SPINT2: variants seen among roughly 807,000 people sequenced by gnomAD.
The protein encoded by SPINT2 is kunitz-type protease inhibitor 2.
A neutral mutation model predicts 30.1 loss-of-function variants in SPINT2; 18 were observed. The ratio of observed to expected loss-of-function variants is 0.60; its 90% CI spans 0.41 to 0.89. The LOEUF is 0.89. Ranked by LOEUF, SPINT2 falls within the 40% of genes least tolerant of loss-of-function variation. The pLI is 0.00. For missense variants in SPINT2, 276 were observed against 334.3 expected (o/e 0.83, Z 1.36); for synonymous variants, 139 against 137.9 (o/e 1.01, Z -0.05).
At chr19:38,284,157 A>G (rs1968615350) in intron 2 of SPINT2, among the ~76,000 whole-genome samples, 1 of 151,128 alleles carries the variant, frequency 6.6e-6, no homozygotes, top group South Asian at 2.1e-4. Flanking sequence ...TTTTTTTTAG[A>G]CAGGGTCTCA....
At chr19:38,279,061 C>T (rs531300584) in intron 1 of SPINT2, among the ~76,000 whole-genome samples, 1 of 152,146 alleles carries the variant, frequency 6.6e-6, no homozygotes, top group South Asian at 2.1e-4. Context: ...CAACGAGGAG[C>T]TTCCTTCCAT....
Position 38,292,127 on chromosome 19 carries a change from T to C in SPINT2, c.*121T>C. 7.2e-7 allele frequency: 1 copy of C among 1,394,068 alleles called. No individual in the cohort carries two copies. Among genetic ancestry groups the C allele is most frequent in the Non-Finnish European group, 9.8e-7 (1 of 1,020,122 alleles). 86.4% of individuals were successfully genotyped at this position (1,394,068 alleles called of 1,614,324 possible). ...GGCTGAGGTCTGTTTCTCTGGGAGG[T>C]AGGACGGCTGCTTCCTGGTCTGGCA... On this transcript the variant is annotated 3_prime_UTR_variant, in exon 7 of 7. Transcript: ENST00000301244.
chr19:38,286,777 C>T lies in SPINT2; in HGVS notation c.278-1099C>T, dbSNP rs1226771361. Among the ~76,000 whole-genome samples the T allele has an allele frequency of 2.6e-5, 4 of 152,060 alleles. No individual in the cohort carries two copies. In the East Asian group the frequency reaches 5.8e-4, roughly 22 times the overall value. Reference sequence around the variant, plus strand: ...CAGCCTGGGCGACAGAGCGAGACTCCGTTTCAAAACGAAAAATTTGTCATG... The same window carrying T: ...CAGCCTGGGCGACAGAGCGAGACTCTGTTTCAAAACGAAAAATTTGTCATG... On this transcript the variant is annotated intron_variant, in intron 2 of 6. Coordinates refer to ENST00000301244, the MANE Select transcript of SPINT2 (RefSeq NM_021102.4).
chr19:38,275,841 C>T (rs191333613), intron 1 of SPINT2, among the ~76,000 whole-genome samples: 3 of 151,996 alleles, frequency 2.0e-5, no homozygotes, highest in East Asian at 1.9e-4. Context: ...GATTCTCCTG[C>T]CTCAGCCTCC....
chr19:38,290,518 G>T lies in SPINT2; in HGVS notation c.554-19G>T. ...AATGGGGGCTGTGAGCTGACCTCAGGCTGTGTGTTCTCTTCCAGGCCAGCA... is the reference window on the plus strand; with the variant it reads ...AATGGGGGCTGTGAGCTGACCTCAGTCTGTGTGTTCTCTTCCAGGCCAGCA... On this transcript the variant is annotated intron_variant, in intron 5 of 6. Coordinates refer to ENST00000301244, the MANE Select transcript of SPINT2 (RefSeq NM_021102.4). The surrounding 1 kb of genome is among the most constrained non-coding windows in gnomAD (Gnocchi z 4.3). The T allele has an allele frequency of 6.2e-7, 1 of 1,614,030 alleles. No individual in the cohort carries two copies.
Position 38,264,704 on chromosome 19 carries a change from C to G in SPINT2, c.-189C>G. ...CCCAGGCATCGCGCGCCGAGAAGGC[C>G]GGGCGTCCCCACACTGAAGGTCCGG... On this transcript the variant is annotated 5_prime_UTR_variant, in exon 1 of 7. Coordinates refer to ENST00000301244, the MANE Select transcript of SPINT2 (RefSeq NM_021102.4). The G allele has an allele frequency of 1.7e-6, 1 of 602,422 alleles. No individual in the cohort carries two copies. 37.3% of individuals were successfully genotyped at this position (602,422 alleles called of 1,614,324 possible). A position where few individuals can be genotyped will look rare whatever the true frequency, so the allele number is the denominator to read the frequency against.
At chr19:38,289,329 G>A (rs1407091837) in intron 4 of SPINT2, 138 bp downstream of exon 4, 4 of 718,900 alleles carry the variant, frequency 5.6e-6, no homozygotes, top group Non-Finnish European at 2.4e-6. Flanking sequence ...CTAAAAATAC[G>A]AAAAATTAGC....
At chr19:38,289,105 C>T (rs370146257) in intron 3 of SPINT2, 33 bp from the exon 4 acceptor site, 7 of 1,610,534 alleles carry the variant, frequency 4.3e-6, no homozygotes, top group Middle Eastern at 3.3e-4. Context: ...TGTGTCCGGC[C>T]CAGCCTCCCT....
intron 3 of SPINT2, chr19:38,288,311 T>G: frequency 2.7e-6 from 1 of 375,810 alleles, no homozygotes; most frequent in Non-Finnish European, 5.1e-6. Context: ...TCTCCTCTGC[T>G]TCCTTTGCTC....
intron 6 of SPINT2, chr19:38,291,010 C>T (rs1968711441): frequency 4.1e-6 from 1 of 242,874 alleles, no homozygotes; most frequent in Non-Finnish European, 8.2e-6. Flanking sequence ...TGTTTCTGAG[C>T]TTGAGTTGCA....
intron 1 of SPINT2, among the ~76,000 whole-genome samples, chr19:38,273,866 ACTGT>A (rs1390696510): frequency 1.1e-4 from 17 of 152,018 alleles, no homozygotes; most frequent in Non-Finnish European, 1.5e-5. Flanking sequence ...CTTTATTCTG[ACTGT>A]CCCTATATTA....
intron 1 of SPINT2, among the ~76,000 whole-genome samples, chr19:38,271,890 C>T (rs556479797): frequency 2.1e-4 from 32 of 152,082 alleles, no homozygotes; most frequent in African/African-American, 7.7e-4. Flanking sequence ...CAGGGTGATT[C>T]CTGACTGGGC....
intron 1 of SPINT2, among the ~76,000 whole-genome samples, chr19:38,274,638 CA>C (rs1236453737): frequency 3.9e-5 from 6 of 152,036 alleles, no homozygotes; most frequent in Non-Finnish European, 5.9e-5. Context: ...GCCAGCACAG[CA>C]AAACCCTATC....
chr19:38,269,788 T>G (rs1048773841), intron 1 of SPINT2, among the ~76,000 whole-genome samples: 2 of 136,372 alleles, frequency 1.5e-5, no homozygotes, highest in Non-Finnish European at 3.1e-5. Flanking sequence ...TTTTTGTATT[T>G]TTAGTAGAGA....
chr19:38,272,744 T>C (rs1968471165), intron 1 of SPINT2, among the ~76,000 whole-genome samples: 2 of 152,200 alleles, frequency 1.3e-5, no homozygotes, highest in Admixed American at 1.3e-4. Flanking sequence ...TTTTTTGATA[T>C]GGAGTCTCTG....
rs568113078 is a variant in SPINT2 at position 38,268,461 on chromosome 19, T to C, written c.106+3463T>C. On this transcript the variant is annotated intron_variant, in intron 1 of 6. Coordinates refer to ENST00000301244, the MANE Select transcript of SPINT2 (RefSeq NM_021102.4). ...GATTTTTTAAACGTAAAAATGTAGT[T>C]TTTGGCTTTGCCTGAAAGACATGAA... Among the ~76,000 whole-genome samples, 5 of 152,306 alleles carry C rather than the reference T, an allele frequency of 3.3e-5. 1 individual carries two copies. The South Asian group carries it at 1.0e-3, about 32-fold the overall frequency.
chr19:38,284,695 G>T (rs1968621290), intron 2 of SPINT2, among the ~76,000 whole-genome samples: 1 of 152,162 alleles, frequency 6.6e-6, no homozygotes, highest in Non-Finnish European at 1.5e-5. Flanking sequence ...CTTGAGCAGA[G>T]GCTTTTTGAT....
chr19:38,281,978 G>T (rs765045681), intron 1 of SPINT2, among the ~76,000 whole-genome samples: 1 of 152,046 alleles, frequency 6.6e-6, no homozygotes, highest in African/African-American at 2.4e-5. Context: ...ACCCTCTAAC[G>T]GGTGACTTTT....
chr19:38,268,804 T>C (rs1334323353), intron 1 of SPINT2, among the ~76,000 whole-genome samples: 1 of 151,210 alleles, frequency 6.6e-6, no homozygotes, highest in Non-Finnish European at 1.5e-5. Context: ...GGCTGGCTGT[T>C]GGGGAAATCC....
Sources: allele counts gnomAD v4.1 joint callset (sites outside exome capture counted in the v4.1 genomes callset), GRCh38; gene constraint gnomAD v4.1.1; non-coding constraint Gnocchi (gnomAD v3.1); transcripts MANE v1.5; gene names NCBI Gene and HGNC (gene_info 2026-07-23, HGNC 2026-07-21).